Variants in JHY observed in about 807,000 individuals in gnomAD.
JHY encodes jhy protein homolog.
A neutral mutation model predicts 78.0 loss-of-function variants in JHY; 69 were observed. That is an observed-to-expected ratio of 0.88 (90% CI 0.73 to 1.08). JHY has a LOEUF of 1.08. JHY is among the 50% of genes least tolerant of loss of function. JHY has a pLI of 0.00. For synonymous variants in JHY, 368 were observed against 342.6 expected (o/e 1.07, Z -0.82); for missense variants, 944 against 927.8 (o/e 1.02, Z -0.23).
chr11:122,923,660 A>G (rs1281550739), intron 3 of JHY, among the ~76,000 whole-genome samples: 4 of 151,990 alleles, frequency 2.6e-5, no homozygotes, highest in Non-Finnish European at 5.9e-5. Flanking sequence ...TGGTTCCCAA[A>G]CCTGCCTGCA....
At chr11:122,901,858 G>C (rs1862866450) in intron 2 of JHY, among the ~76,000 whole-genome samples, 1 of 150,644 alleles carries the variant, frequency 6.6e-6, no homozygotes, top group Non-Finnish European at 1.5e-5. Context: ...GGGCGAAAGA[G>C]CGAGACTCTG....
chr11:122,916,783 C>T lies in JHY; in HGVS notation c.865-8114C>T, dbSNP rs1455922681. ...GCCACCGAGTAGCTGGGATTACAGGCGCCTGCCATGACGCCCAGCTAAATT... is the reference window on the plus strand; with the variant it reads ...GCCACCGAGTAGCTGGGATTACAGGTGCCTGCCATGACGCCCAGCTAAATT... On this transcript the variant is annotated intron_variant, in intron 3 of 8. Coordinates refer to ENST00000227349, the MANE Select transcript of JHY (RefSeq NM_024806.4). 4.6e-5 allele frequency among the ~76,000 whole-genome samples: 7 copies of T among 152,004 alleles called. No individual in the cohort carries two copies. In the East Asian group the frequency reaches 5.8e-4, roughly 13 times the overall value.
intron 6 of JHY, among the ~76,000 whole-genome samples, chr11:122,952,924 A>C (rs887065121): frequency 1.3e-5 from 2 of 152,234 alleles, no homozygotes; most frequent in African/African-American, 4.8e-5. Flanking sequence ...ACAAATTTGC[A>C]ATTGTGAAAT....
At chr11:122,955,336 G>A (rs986314521) in intron 6 of JHY, among the ~76,000 whole-genome samples, 1 of 152,030 alleles carries the variant, frequency 6.6e-6, no homozygotes, top group Non-Finnish European at 1.5e-5. Flanking sequence ...GGCCAAGCTG[G>A]TCTCGAACTC....
chr11:122,940,005 A>G (rs2135363756), intron 5 of JHY, among the ~76,000 whole-genome samples: 1 of 151,172 alleles, frequency 6.6e-6, no homozygotes, highest in Admixed American at 6.6e-5. Flanking sequence ...CAGTGTTCAT[A>G]CATTTCATTT....
chr11:122,952,582 C>T (rs1488016306), intron 6 of JHY, among the ~76,000 whole-genome samples: 2 of 152,326 alleles, frequency 1.3e-5, no homozygotes, highest in Admixed American at 1.3e-4. Flanking sequence ...AGGTGTAATA[C>T]TAGACCCTGG....
chr11:122,923,883 ATTTT>A (rs760512913), intron 3 of JHY, among the ~76,000 whole-genome samples: 4 of 100,516 alleles, frequency 4.0e-5, no homozygotes, highest in African/African-American at 1.8e-4. Context: ...CGCCTGGCTA[ATTTT>A]TTTTTTTTTT....
Position 122,959,575 on chromosome 11 carries a change from T to C in JHY, c.*130T>C. 1.1e-6 allele frequency: 1 copy of C among 879,540 alleles called. No homozygotes were observed. 54.5% of individuals were successfully genotyped at this position (879,540 alleles called of 1,614,324 possible). The stretch of plus-strand genomic sequence containing the variant: ...ATCTATCTGCCGTCCATGTTTGCTT[T>C]CTGCAGGATTTAAAATATGAGGCCC... On this transcript the variant is annotated 3_prime_UTR_variant, in exon 9 of 9. Transcript: ENST00000227349.
At chr11:122,908,194 CATT>C (rs1245521307) in intron 3 of JHY, among the ~76,000 whole-genome samples, 1 of 152,140 alleles carries the variant, frequency 6.6e-6, no homozygotes, top group Non-Finnish European at 1.5e-5. Flanking sequence ...GGTTCCTAAA[CATT>C]AGAGTGCACC....
Position 122,917,691 on chromosome 11 carries a change from G to A in JHY, c.865-7206G>A, listed in dbSNP as rs978556699. On this transcript the variant is annotated intron_variant, in intron 3 of 8. Coordinates refer to ENST00000227349, the MANE Select transcript of JHY (RefSeq NM_024806.4). This position sits in a 1 kb window ranked among gnomAD's most constrained non-coding sequence, Gnocchi z 4.1. ...GAATTTTAGTAGTGGAGCAATTTCA[G>A]TGCAATGTGTGAGCTTTGTGATTTT... Among the ~76,000 whole-genome samples the A allele has an allele frequency of 2.6e-5, 4 of 152,172 alleles. No individual in the cohort carries two copies. Among genetic ancestry groups the A allele is most frequent in the Non-Finnish European group, 5.9e-5 (4 of 68,030 alleles).
chr11:122,928,805 C>T (rs548288850), intron 4 of JHY, among the ~76,000 whole-genome samples: 4 of 152,150 alleles, frequency 2.6e-5, no homozygotes, highest in South Asian at 2.1e-4. Flanking sequence ...CCCGCCACCA[C>T]GCCCGGCTAA....
chr11:122,897,470 G>A (rs1321804395), intron 2 of JHY, among the ~76,000 whole-genome samples: 1 of 152,134 alleles, frequency 6.6e-6, no homozygotes, highest in Non-Finnish European at 1.5e-5. Flanking sequence ...GGCCTCAAGT[G>A]AGCCCCTTGC....
intron 2 of JHY, among the ~76,000 whole-genome samples, chr11:122,889,093 C>G (rs1474592941): frequency 6.6e-6 from 1 of 152,098 alleles, no homozygotes; most frequent in African/African-American, 2.4e-5. Flanking sequence ...TGCAAGTTAC[C>G]AGTCCTCAGA....
chr11:122,949,299 G>A (rs1864035964), intron 6 of JHY, among the ~76,000 whole-genome samples: 2 of 152,150 alleles, frequency 1.3e-5, no homozygotes, highest in African/African-American at 4.8e-5. Flanking sequence ...GTACTTTATT[G>A]TGTAGGACGG....
intron 6 of JHY, among the ~76,000 whole-genome samples, chr11:122,952,564 T>C (rs1353682744): frequency 6.6e-6 from 1 of 152,178 alleles, no homozygotes; most frequent in Non-Finnish European, 1.5e-5. Context: ...CTCTGTCCCT[T>C]CATATCGAGG....
chr11:122,902,911 T>A (rs1419626823), intron 2 of JHY, among the ~76,000 whole-genome samples: 10 of 152,162 alleles, frequency 6.6e-5, no homozygotes, highest in African/African-American at 2.2e-4. Flanking sequence ...CCAAACCATA[T>A]CATACAGTAA....
At chr11:122,906,104 T>C (rs186185059) in intron 3 of JHY, among the ~76,000 whole-genome samples, 19 of 152,342 alleles carry the variant, frequency 1.2e-4, no homozygotes, top group Admixed American at 1.2e-3. Flanking sequence ...TAGTATACTC[T>C]TGTTCCATAA....
intron 3 of JHY, among the ~76,000 whole-genome samples, chr11:122,919,952 G>A (rs769272714): frequency 2.4e-4 from 36 of 152,234 alleles, no homozygotes; most frequent in Non-Finnish European, 4.3e-4. Flanking sequence ...AATATTTCAT[G>A]TCTTTTGCCT....
intron 2 of JHY, among the ~76,000 whole-genome samples, chr11:122,901,383 C>G (rs58486331): frequency 0.011 from 1,606 of 152,186 alleles, 27 homozygotes; most frequent in African/African-American, 0.036. Context: ...TTAGACTCCT[C>G]TAAATTTATT....
Sources: gnomAD v4.1 joint callset for allele counts (sites outside exome capture counted in the v4.1 genomes callset) on GRCh38, gnomAD v4.1.1 for gene constraint, Gnocchi (gnomAD v3.1) non-coding constraint, MANE v1.5 for transcripts, NCBI Gene and HGNC (gene_info 2026-07-23, HGNC 2026-07-21) for gene names.